C8orf34: variants seen among roughly 807,000 people sequenced by gnomAD.
C8orf34 encodes uncharacterized protein C8orf34.
A neutral mutation model predicts 68.3 loss-of-function variants in C8orf34; 65 were observed. The observed-to-expected ratio is 0.95, with a 90% confidence interval of 0.78 to 1.17. The LOEUF (loss-of-function observed/expected upper bound fraction) is 1.17, where lower values mean the gene tolerates loss of function less well. Among genes scored for constraint, C8orf34 ranks in the 50% most tolerant of loss-of-function variants. The pLI is 0.00. For missense variants in C8orf34, 664 were observed against 655.4 expected, an observed-to-expected ratio of 1.01 and a Z score of -0.14; for synonymous variants, 244 against 241.2, an observed-to-expected ratio of 1.01 and a Z score of -0.11.
At chr8:68,345,276 G>A (rs1272124439) in intron 1 of C8orf34, among the ~76,000 whole-genome samples, 3 of 151,892 alleles carry the variant, frequency 2.0e-5, no homozygotes, top group Admixed American at 6.6e-5. Context: ...TGCATTGCTA[G>A]TATCTGAAAC....
chr8:68,419,724 A>G (rs1809858761), intron 1 of C8orf34, among the ~76,000 whole-genome samples: 1 of 151,062 alleles, frequency 6.6e-6, no homozygotes, highest in African/African-American at 2.4e-5. Flanking sequence ...AAACTATCGC[A>G]AGAACAAAAA....
chr8:68,584,401 G>A (rs775575893), intron 7 of C8orf34, among the ~76,000 whole-genome samples: 2 of 152,158 alleles, frequency 1.3e-5, no homozygotes, highest in Non-Finnish European at 2.9e-5. Flanking sequence ...CTCCTCAGTA[G>A]GTGAGTGTTT....
At chr8:68,534,557 A>G in intron 7 of C8orf34, 1 of 896,458 alleles carries the variant, frequency 1.1e-6, no homozygotes, top group African/African-American at 1.8e-5. Flanking sequence ...GAGGTAAGGG[A>G]CAGTGACCCA....
chr8:68,671,806 T>C (rs987864482), intron 8 of C8orf34, among the ~76,000 whole-genome samples: 2 of 152,160 alleles, frequency 1.3e-5, no homozygotes, highest in Non-Finnish European at 2.9e-5. Flanking sequence ...TAAGTCAATA[T>C]GGGGCTTCTA....
At chr8:68,582,802 A>G (rs970931743) in intron 7 of C8orf34, among the ~76,000 whole-genome samples, 5 of 152,146 alleles carry the variant, frequency 3.3e-5, no homozygotes, top group African/African-American at 1.2e-4. Flanking sequence ...CATGCATGTC[A>G]CATACATCCA....
At chr8:68,816,249 A>G (rs16935101) in intron 13 of C8orf34, among the ~76,000 whole-genome samples, 53,891 of 151,324 alleles carry the variant, frequency 0.36, 10,308 homozygotes, top group African/African-American at 0.51. Context: ...TTTCTCCTTG[A>G]CAGGAAAAAT....
chr8:68,663,168 C>T (rs77121336), intron 8 of C8orf34, among the ~76,000 whole-genome samples: 2 of 152,124 alleles, frequency 1.3e-5, no homozygotes, highest in African/African-American at 4.8e-5. Flanking sequence ...TCTTGTTTGT[C>T]CAGACCACCT....
intron 5 of C8orf34, among the ~76,000 whole-genome samples, chr8:68,511,950 G>C (rs1254414423): frequency 6.6e-6 from 1 of 152,096 alleles, no homozygotes; most frequent in African/African-American, 2.4e-5. Flanking sequence ...GTTAACTCTG[G>C]TTTTGCTTGA....
chr8:68,520,773 ATTT>A (rs767062802), intron 5 of C8orf34, among the ~76,000 whole-genome samples: 8 of 152,058 alleles, frequency 5.3e-5, no homozygotes, highest in Non-Finnish European at 8.8e-5. Flanking sequence ...CACCTTCTGA[ATTT>A]TTAAAGAATT....
At chr8:68,605,086 G>C (rs1336706134) in intron 7 of C8orf34, among the ~76,000 whole-genome samples, 1 of 152,110 alleles carries the variant, frequency 6.6e-6, no homozygotes, top group Non-Finnish European at 1.5e-5. Flanking sequence ...CATACAGATA[G>C]AAAATAAGCA....
chr8:68,727,616 A>G (rs1477538274), intron 10 of C8orf34, among the ~76,000 whole-genome samples: 1 of 152,248 alleles, frequency 6.6e-6, no homozygotes, highest in African/African-American at 2.4e-5. Context: ...TTGCCTAGGC[A>G]TCCAGGCGTT....
At chr8:68,595,017 G>A (rs572905392) in intron 7 of C8orf34, among the ~76,000 whole-genome samples, 5 of 151,180 alleles carry the variant, frequency 3.3e-5, no homozygotes, top group South Asian at 4.2e-4. Context: ...TTGAGCTAAG[G>A]CAAGTGTTTT....
chr8:68,673,431 T>A (rs77350137), intron 8 of C8orf34, among the ~76,000 whole-genome samples: 118 of 152,212 alleles, frequency 7.8e-4, no homozygotes, highest in East Asian at 4.5e-3. Flanking sequence ...GGTCCAGCCC[T>A]GACACCATTC....
intron 7 of C8orf34, among the ~76,000 whole-genome samples, chr8:68,592,828 C>T (rs947743647): frequency 1.3e-5 from 2 of 151,892 alleles, no homozygotes; most frequent in Non-Finnish European, 2.9e-5. Flanking sequence ...AGGCTGGTCT[C>T]GAACTTCTGA....
At chr8:68,500,717 T>C (rs1321490003) in intron 5 of C8orf34, among the ~76,000 whole-genome samples, 1 of 152,060 alleles carries the variant, frequency 6.6e-6, no homozygotes, top group Admixed American at 6.6e-5. Context: ...TCAACCAAAA[T>C]AGTAATTCAA....
In C8orf34 at chr8:68,818,262, T is replaced by C. The variant is rs563354083; in HGVS notation, c.*16T>C. 6.2e-7 allele frequency: 1 copy of C among 1,612,024 alleles called. No individual in the cohort carries two copies. Among genetic ancestry groups the C allele is most frequent in the African/African-American group, 1.3e-5 (1 of 74,976 alleles). On this transcript the variant is annotated 3_prime_UTR_variant, in exon 14 of 14. Transcript: ENST00000518698. Reference sequence around the variant, plus strand: ...AGGTTTGTGAAACAGAGAGAAGAAGTTGCAAGTGGTCCTTAAAGAAATGCA... The same window carrying C: ...AGGTTTGTGAAACAGAGAGAAGAAGCTGCAAGTGGTCCTTAAAGAAATGCA...
At chr8:68,568,793 T>C (rs1480770215) in intron 7 of C8orf34, among the ~76,000 whole-genome samples, 1 of 152,168 alleles carries the variant, frequency 6.6e-6, no homozygotes, top group Non-Finnish European at 1.5e-5. Flanking sequence ...AAAAGGATCC[T>C]GTCTTTAAGT....
At chr8:68,751,648 T>C (rs1007757054) in intron 10 of C8orf34, among the ~76,000 whole-genome samples, 1 of 152,080 alleles carries the variant, frequency 6.6e-6, no homozygotes, top group Non-Finnish European at 1.5e-5. Flanking sequence ...TTATTTGAAA[T>C]ACAGATTTAC....
At chr8:68,487,313 A>G (rs1813119260) in intron 4 of C8orf34, among the ~76,000 whole-genome samples, 1 of 152,216 alleles carries the variant, frequency 6.6e-6, no homozygotes, top group Admixed American at 6.5e-5. Context: ...AACAGAAAAG[A>G]GAGGACAGCA....
Sources: gnomAD v4.1 joint callset for allele counts (sites outside exome capture counted in the v4.1 genomes callset) on GRCh38, gnomAD v4.1.1 for gene constraint, MANE v1.5 for transcripts, NCBI Gene and HGNC (gene_info 2026-07-23, HGNC 2026-07-21) for gene names.